The following BTAF1 variants were observed in gnomAD, a reference collection of about 807,000 sequenced individuals.
BTAF1 encodes the protein TATA-binding protein-associated factor 172.
A neutral mutation model predicts 227.1 loss-of-function variants in BTAF1; 38 were observed. That is an observed-to-expected ratio of 0.17 (90% CI 0.13 to 0.22). BTAF1 has a LOEUF of 0.22. BTAF1 is among the 10% of genes least tolerant of loss of function. The probability of loss-of-function intolerance (pLI) is 1.00; values close to 1 mark genes in which losing one functional copy is unlikely to be tolerated. For missense variants in BTAF1, 1,598 were observed against 2,204.0 expected (o/e 0.73, Z 5.51); for synonymous variants, 742 against 751.9 (o/e 0.99, Z 0.21).
chr10:91,999,810 A>G (rs543063875), intron 25 of BTAF1, among the ~76,000 whole-genome samples: 67 of 152,362 alleles, frequency 4.4e-4, no homozygotes, highest in Admixed American at 7.8e-4. Context: ...AGACACATAC[A>G]GTAATATTCA....
Position 92,011,145 on chromosome 10 carries a change from C to A in BTAF1, c.4176C>A (p.Phe1392Leu). The change falls in exon 29 of 38, where the codon TTC (phenylalanine) becomes TTA (leucine). Residue 1392 changes from phenylalanine to leucine, a missense_variant. Transcript: ENST00000265990. ...SYDVVRNDID[F>L]FRNIKFNYCI... ...ATGTTGTGAGGAATGACATAGATTT[C>A]TTTAGGTAAGAATTAATTTTTTTTT... 1 of 1,586,358 alleles carries A rather than the reference C, an allele frequency of 6.3e-7. No individual in the cohort carries two copies.
chr10:91,990,885 T>G (rs7071659), intron 20 of BTAF1, among the ~76,000 whole-genome samples: 32,326 of 151,938 alleles, frequency 0.21, 5,485 homozygotes, highest in African/African-American at 0.47. Context: ...GGTGAGCAGA[T>G]AACTTGAGGC....
chr10:91,960,553 G>A (rs1459451677), intron 11 of BTAF1, among the ~76,000 whole-genome samples: 1 of 148,476 alleles, frequency 6.7e-6, no homozygotes, highest in Non-Finnish European at 1.5e-5. Context: ...CAGACAATCT[G>A]TATGGTCATG....
rs781464559 is a variant in BTAF1, at chr10:91,996,983, A to G, written c.3511+413A>G. ...GTTTGTTCATTACTTGGGTTTACAA[A>G]TGACCATATTATACTAGATAATTAG... On this transcript the variant is annotated intron_variant, in intron 24 of 37. Coordinates refer to ENST00000265990, the MANE Select transcript of BTAF1 (RefSeq NM_003972.3). The G allele has an allele frequency of 1.5e-5, 9 of 594,088 alleles. No individual in the cohort carries two copies. In the Middle Eastern group the frequency reaches 1.1e-3, roughly 70 times the overall value. 36.8% of individuals were successfully genotyped at this position (594,088 alleles called of 1,614,324 possible).
Position 92,018,952 on chromosome 10 carries a change from AGTGTTAAATGT to A in BTAF1, c.4863+23_4863+33del. ...TTGAAACAAGTATGTATGTCTTTTA[AGTGTTAAATGT>A]GTGTTGTACCCCAGGAATATAAATT... is the stretch of plus-strand genomic sequence containing the variant. On this transcript the variant is annotated intron_variant, in intron 34 of 37. Transcript: ENST00000265990. 1 of 1,520,350 alleles carries A rather than the reference AGTGTTAAATGT, an allele frequency of 6.6e-7. No individual in the cohort carries two copies. The highest frequency in any genetic ancestry group is 8.8e-7 in the Non-Finnish European group (1 of 1,135,128). The allele number at this position is 1,520,350 out of a possible 1,614,324, so 94.2% of individuals were successfully genotyped here.
chr10:91,936,252 G>A (rs533898261), intron 2 of BTAF1, among the ~76,000 whole-genome samples: 1 of 152,254 alleles, frequency 6.6e-6, no homozygotes, highest in African/African-American at 2.4e-5. Flanking sequence ...TTAAGCAACT[G>A]CTGTATTTTT....
intron 4 of BTAF1, among the ~76,000 whole-genome samples, chr10:91,950,412 C>T (rs74149326): frequency 0.074 from 11,187 of 150,490 alleles, 1,376 homozygotes; most frequent in African/African-American, 0.26. Context: ...TTGTTAGGTG[C>T]AGAGGGTTAG....
At chr10:92,025,705 G>C (rs1162285036) in intron 35 of BTAF1, among the ~76,000 whole-genome samples, 4 of 151,616 alleles carry the variant, frequency 2.6e-5, no homozygotes, top group Admixed American at 2.6e-4. Flanking sequence ...TACTCTGGAG[G>C]CTGAGGCAGG....
Position 92,008,179 on chromosome 10 carries a change from G to A in BTAF1, c.3717G>A (p.Lys1239=). 6.2e-7 allele frequency: 1 copy of A among 1,601,166 alleles called. No homozygotes were observed. The highest frequency in any genetic ancestry group is 1.1e-5 in the South Asian group (1 of 87,868). The stretch of plus-strand genomic sequence containing the variant: ...CAGAATTAATCCAATTGAAAGCCAA[G>A]GAGCGACACTTTTTGGAGCAATTGT... ...MSAELIQLKA[K]ERHFLEQLLD... The change falls in exon 26 of 38, where the codon AAG becomes AAA. Residue 1239 remains lysine (K), a synonymous_variant. Coordinates refer to ENST00000265990, the MANE Select transcript of BTAF1 (RefSeq NM_003972.3).
chr10:92,014,451 T>C (rs1339089931), intron 32 of BTAF1, among the ~76,000 whole-genome samples: 2 of 152,132 alleles, frequency 1.3e-5, no homozygotes, highest in Non-Finnish European at 2.9e-5. Context: ...GGTCTCAAAC[T>C]CCCAGGGTCA....
intron 1 of BTAF1, among the ~76,000 whole-genome samples, chr10:91,931,847 A>G (rs1007736029): frequency 1.3e-5 from 2 of 152,230 alleles, no homozygotes; most frequent in African/African-American, 4.8e-5. Flanking sequence ...GAAGAGAGGA[A>G]TGGAGAACTA....
Position 91,981,737 on chromosome 10 carries a change from C to T in BTAF1, c.1850C>T (p.Pro617Leu), listed in dbSNP as rs1440077646. 1 of 1,613,650 alleles carries T rather than the reference C, an allele frequency of 6.2e-7. No homozygotes were observed. Among genetic ancestry groups the T allele is most frequent in the African/African-American group, 1.3e-5 (1 of 74,874 alleles). The change falls in exon 16 of 38, where the codon CCT becomes CTT. Residue 617 changes from proline to leucine, a missense_variant. Pro to Leu is a moderately conservative substitution (Grantham distance 98). Around this residue, in one of 10 missense-constraint regions of BTAF1, gnomAD observed 318 missense variants for 435.0 expected, o/e 0.73. Coordinates refer to ENST00000265990, the MANE Select transcript of BTAF1 (RefSeq NM_003972.3). ...GCTTGGCTTTGCTTGATGATGCAGC[C>T]TTCTCATTTACCTATCGATTTAAAT... Reference protein sequence around the residue: ...MGAWLCLMMQPSHLPIDLNML... With the variant: ...MGAWLCLMMQLSHLPIDLNML...
chr10:91,932,946 C>A (rs190241258), intron 1 of BTAF1, among the ~76,000 whole-genome samples: 2 of 152,278 alleles, frequency 1.3e-5, no homozygotes, highest in Admixed American at 6.5e-5. Context: ...GCTGTGCCTC[C>A]CACCAACAGT....
chr10:91,994,773 A>G, intron 23 of BTAF1, 129 bp downstream of exon 23: 1 of 718,910 alleles, frequency 1.4e-6, no homozygotes, highest in Non-Finnish European at 2.3e-6. Context: ...CTGTGGTATA[A>G]CTAGATTCCT....
intron 20 of BTAF1, among the ~76,000 whole-genome samples, chr10:91,991,470 G>T (rs758172723): frequency 1.1e-3 from 172 of 150,242 alleles, no homozygotes; most frequent in Non-Finnish European, 1.9e-3. Context: ...AAATTAATAG[G>T]CTGGGCATGG....
At position 92,018,764 on chromosome 10, in the gene BTAF1, T is replaced by C. The variant is rs1589985901; in HGVS notation, c.4711-19T>C. 1.6e-6 allele frequency: 1 copy of C among 632,066 alleles called. No homozygotes were observed. The highest frequency in any genetic ancestry group is 2.3e-5 in the South Asian group (1 of 44,398). The allele number at this position is 632,066 out of a possible 1,614,324, so 39.2% of individuals were successfully genotyped here. ...ATATGCGAAATTGACTCATATATAC[T>C]TTTTTTTTCCTCTTGAAGGCATTAC... On this transcript the variant is annotated intron_variant, in intron 33 of 37. Transcript: ENST00000265990.
At chr10:91,929,297 A>G (rs1844103106) in intron 1 of BTAF1, among the ~76,000 whole-genome samples, 1 of 152,246 alleles carries the variant, frequency 6.6e-6, no homozygotes, top group Admixed American at 6.5e-5. Context: ...AGTTTCAGAA[A>G]TATATAGTTT....
In BTAF1 at chr10:91,939,937, T is replaced by A. The variant is rs781715769; in HGVS notation, c.139-15T>A. Reference sequence around the variant, plus strand: ...ATATTTTTGTATACGTAACTTTTATTTTATAATTTTTAAGGTGTTGATATA... The same window carrying A: ...ATATTTTTGTATACGTAACTTTTATATTATAATTTTTAAGGTGTTGATATA... On this transcript the variant is annotated splice_polypyrimidine_tract_variant and intron_variant, in intron 2 of 37. Coordinates refer to ENST00000265990, the MANE Select transcript of BTAF1 (RefSeq NM_003972.3). The A allele has an allele frequency of 4.5e-6, 7 of 1,561,418 alleles. No homozygotes were observed. Among genetic ancestry groups the A allele is most frequent in the Non-Finnish European group, 6.2e-6 (7 of 1,135,674 alleles).
At chr10:91,946,915 C>T (rs1845407931) in intron 4 of BTAF1, among the ~76,000 whole-genome samples, 2 of 151,836 alleles carry the variant, frequency 1.3e-5, no homozygotes, top group African/African-American at 4.8e-5. Context: ...TCTCTGCTCA[C>T]TGCAACCTCC....
Sources: allele counts gnomAD v4.1 joint callset (sites outside exome capture counted in the v4.1 genomes callset), GRCh38; gene constraint gnomAD v4.1.1; regional missense constraint gnomAD v4.1.1; transcripts MANE v1.5; gene names NCBI Gene and HGNC (gene_info 2026-07-23, HGNC 2026-07-21).